The following OSBPL10 variants were observed in gnomAD, a reference collection of about 807,000 sequenced individuals.
The protein encoded by OSBPL10 is oxysterol binding protein like 10, also known as oxysterol-binding protein-related protein 10.
Under a neutral mutation model 81.7 loss-of-function variants are expected in OSBPL10, and 49 were observed. The ratio of observed to expected loss-of-function variants is 0.60; its 90% CI spans 0.48 to 0.76. The LOEUF (loss-of-function observed/expected upper bound fraction) is 0.76, where lower values mean the gene tolerates loss of function less well. Ranked by LOEUF, OSBPL10 falls within the 30% of genes least tolerant of loss-of-function variation. The pLI, the probability that OSBPL10 is intolerant of heterozygous loss-of-function variation, is 0.00. For synonymous variants in OSBPL10, 419 were observed against 383.6 expected, an observed-to-expected ratio of 1.09 and a Z score of -1.08; for missense variants, 923 against 987.8, an observed-to-expected ratio of 0.93 and a Z score of 0.88.
At chr3:32,057,106 A>G (rs1699718448) in intron 1 of OSBPL10, among the ~76,000 whole-genome samples, 1 of 152,236 alleles carries the variant, frequency 6.6e-6, no homozygotes, top group Admixed American at 6.5e-5. Context: ...CAGTTCCAAG[A>G]AATCTTTGCT....
chr3:31,754,547 G>GAAAC (rs373503080), intron 4 of OSBPL10, among the ~76,000 whole-genome samples: 5 of 152,188 alleles, frequency 3.3e-5, no homozygotes, highest in African/African-American at 4.8e-5. Flanking sequence ...TAAACCAAAG[G>GAAAC]AAACAAACAA....
chr3:31,778,236 T>A (rs1698597006), intron 4 of OSBPL10, among the ~76,000 whole-genome samples: 1 of 152,176 alleles, frequency 6.6e-6, no homozygotes, highest in Non-Finnish European at 1.5e-5. Flanking sequence ...TGAAGCCTAT[T>A]GCTACCAGCT....
At chr3:31,951,784 TGA>T (rs1697876117) in intron 1 of OSBPL10, among the ~76,000 whole-genome samples, 1 of 151,806 alleles carries the variant, frequency 6.6e-6, no homozygotes, top group Non-Finnish European at 1.5e-5. Flanking sequence ...ATGAAGAAAC[TGA>T]GAGTTAAAAA....
chr3:31,905,455 T>C (rs1282198993), intron 1 of OSBPL10, among the ~76,000 whole-genome samples: 1 of 151,076 alleles, frequency 6.6e-6, no homozygotes, highest in African/African-American at 2.4e-5. Context: ...GTTCAAGTGA[T>C]TCGTATGCCT....
chr3:31,915,122 C>T (rs758116088), intron 1 of OSBPL10, among the ~76,000 whole-genome samples: 3 of 152,104 alleles, frequency 2.0e-5, no homozygotes, highest in Middle Eastern at 3.4e-3. Context: ...TGTCTTCTAT[C>T]GTATCCTCAT....
intron 4 of OSBPL10, among the ~76,000 whole-genome samples, chr3:31,800,319 T>C (rs1387119764): frequency 1.3e-5 from 2 of 152,358 alleles, no homozygotes; most frequent in East Asian, 3.9e-4. Flanking sequence ...CGCATTTCAC[T>C]TCATTATCTG....
chr3:31,886,758 G>A (rs1273462526), intron 1 of OSBPL10, among the ~76,000 whole-genome samples: 1 of 151,974 alleles, frequency 6.6e-6, no homozygotes, highest in Non-Finnish European at 1.5e-5. Flanking sequence ...TGGCCAATAT[G>A]GTGAAACCTC....
chr3:31,905,345 A>ATTTTTTTTTTTTTTTTTTTTT lies in OSBPL10; in HGVS notation c.282-25536_282-25516dup, dbSNP rs386396290. The stretch of plus-strand genomic sequence containing the variant: ...GAGCTCTATGTCAAGGAACCTGGTG[A>ATTTTTTTTTTTTTTTTTTTTT]TTTTTTTTTTTTTTTTTTTTTTTAG... On this transcript the variant is annotated intron_variant, in intron 1 of 11. Transcript: ENST00000396556. Among the ~76,000 whole-genome samples the ATTTTTTTTTTTTTTTTTTTTT allele has an allele frequency of 3.5e-3, 336 of 94,796 alleles. 42 individuals are homozygous for ATTTTTTTTTTTTTTTTTTTTT. Among genetic ancestry groups the ATTTTTTTTTTTTTTTTTTTTT allele is most frequent in the African/African-American group, 8.3e-3 (177 of 21,278 alleles). 62.2% of individuals were successfully genotyped at this position (94,796 alleles called of 152,430 possible). A position where few individuals can be genotyped will look rare whatever the true frequency, so the allele number is the denominator to read the frequency against.
At chr3:31,940,262 G>A (rs1163637040) in intron 1 of OSBPL10, among the ~76,000 whole-genome samples, 1 of 152,238 alleles carries the variant, frequency 6.6e-6, no homozygotes, top group African/African-American at 2.4e-5. Flanking sequence ...TACGACTGAT[G>A]CACTCAACAA....
intron 4 of OSBPL10, among the ~76,000 whole-genome samples, chr3:31,824,725 G>A (rs750840311): frequency 1.2e-4 from 18 of 152,048 alleles, no homozygotes; most frequent in Non-Finnish European, 2.2e-4. Context: ...GCTTTCTCTT[G>A]CTTTGGAAGT....
intron 2 of OSBPL10, among the ~76,000 whole-genome samples, chr3:32,027,693 A>G (rs747220698): frequency 9.9e-5 from 15 of 152,132 alleles, no homozygotes; most frequent in Non-Finnish European, 1.8e-4. Flanking sequence ...ATTTATGGCT[A>G]TGAATAGCCA....
At chr3:31,994,402 CAA>C (rs972532746) in intron 2 of OSBPL10, among the ~76,000 whole-genome samples, 3 of 152,002 alleles carry the variant, frequency 2.0e-5, no homozygotes, top group African/African-American at 7.3e-5. Context: ...ACTTCTCAAA[CAA>C]ATTTTTAAAA....
intron 1 of OSBPL10, among the ~76,000 whole-genome samples, chr3:31,899,751 CAGG>C (rs1344843054): frequency 6.6e-6 from 1 of 152,080 alleles, no homozygotes; most frequent in Non-Finnish European, 1.5e-5. Flanking sequence ...AAGGCTGAGG[CAGG>C]AGAATTGCTT....
At chr3:32,002,581 T>A (rs1249886189) in intron 2 of OSBPL10, among the ~76,000 whole-genome samples, 1 of 149,700 alleles carries the variant, frequency 6.7e-6, no homozygotes, top group African/African-American at 2.4e-5. Context: ...CAAAGCTCTG[T>A]ACCTAGGGTT....
intron 1 of OSBPL10, among the ~76,000 whole-genome samples, chr3:32,048,118 A>T (rs2342361): frequency 6.6e-6 from 1 of 151,840 alleles, no homozygotes; most frequent in Non-Finnish European, 1.5e-5. Context: ...CTATGCTTCA[A>T]ATGCCTCTGA....
At chr3:31,824,480 A>G (rs1181007194) in intron 4 of OSBPL10, among the ~76,000 whole-genome samples, 1 of 152,190 alleles carries the variant, frequency 6.6e-6, no homozygotes, top group Non-Finnish European at 1.5e-5. Context: ...CAACGCACTG[A>G]AGGATCACTT....
At chr3:31,761,518 G>A (rs1301605844) in intron 4 of OSBPL10, among the ~76,000 whole-genome samples, 1 of 146,438 alleles carries the variant, frequency 6.8e-6, no homozygotes, top group Non-Finnish European at 1.5e-5. Flanking sequence ...GAAAATTTAA[G>A]GAAATAAGAC....
chr3:31,807,562 C>T (rs969573365), intron 4 of OSBPL10, among the ~76,000 whole-genome samples: 3 of 140,912 alleles, frequency 2.1e-5, no homozygotes, highest in African/African-American at 8.2e-5. Flanking sequence ...AGTTCAAGAC[C>T]ACATCTCTAC....
intron 2 of OSBPL10, chr3:31,879,448 T>A: frequency 1.8e-6 from 1 of 550,546 alleles, no homozygotes; most frequent in South Asian, 2.6e-5. Flanking sequence ...TGTCCTTAAT[T>A]CCTCAGTTAA....
Sources: allele counts gnomAD v4.1 joint callset (sites outside exome capture counted in the v4.1 genomes callset), GRCh38; gene constraint gnomAD v4.1.1; transcripts MANE v1.5; gene names NCBI Gene and HGNC (gene_info 2026-07-23, HGNC 2026-07-21).